Variants in DCDC2C observed in about 807,000 individuals in gnomAD.
The protein encoded by DCDC2C is doublecortin domain-containing protein 2C.
A neutral mutation model predicts 45.0 loss-of-function variants in DCDC2C; 44 were observed. That is an observed-to-expected ratio of 0.98 (90% CI 0.77 to 1.26). The LOEUF (loss-of-function observed/expected upper bound fraction) is 1.26. Ranked by LOEUF, DCDC2C falls within the 50% of genes most tolerant of loss-of-function variation. DCDC2C has a pLI of 0.00. For synonymous variants in DCDC2C, 187 were observed against 178.8 expected (o/e 1.05, Z -0.37); for missense variants, 447 against 468.9 (o/e 0.95, Z 0.43).
chr2:3,780,211 G>A (rs1191854939), intron 9 of DCDC2C, among the ~76,000 whole-genome samples: 1 of 152,142 alleles, frequency 6.6e-6, no homozygotes, highest in East Asian at 1.9e-4. Flanking sequence ...AGAGCATTAG[G>A]CTAAGAGGGG....
intron 9 of DCDC2C, among the ~76,000 whole-genome samples, chr2:3,779,710 T>G (rs1670457896): frequency 6.6e-6 from 1 of 152,156 alleles, no homozygotes; most frequent in Non-Finnish European, 1.5e-5. Flanking sequence ...GTCTGAGAGT[T>G]GCAGTCTGAT....
intron 2 of DCDC2C, among the ~76,000 whole-genome samples, chr2:3,710,795 C>CT (rs1316806629): frequency 6.6e-6 from 1 of 152,160 alleles, no homozygotes; most frequent in East Asian, 1.9e-4. Context: ...CATCCATGTT[C>CT]TTTTTTATGG....
At chr2:3,750,606 T>C (rs1477059400) in intron 4 of DCDC2C, among the ~76,000 whole-genome samples, 3 of 152,146 alleles carry the variant, frequency 2.0e-5, no homozygotes, top group African/African-American at 7.2e-5. Context: ...CGGTTGGTCC[T>C]GTCCTGCCGG....
chr2:3,843,117 G>A (rs1572655554), intron 10 of DCDC2C, among the ~76,000 whole-genome samples: 1 of 152,224 alleles, frequency 6.6e-6, no homozygotes, highest in East Asian at 1.9e-4. Context: ...TGTGATAGCA[G>A]GGGGAGAAGG....
chr2:3,706,159 G>C (rs771731135), intron 1 of DCDC2C, among the ~76,000 whole-genome samples: 6 of 152,200 alleles, frequency 3.9e-5, no homozygotes, highest in Admixed American at 2.0e-4. Flanking sequence ...CTAAGCCATT[G>C]AGCAGTTCAA....
chr2:3,742,561 T>C (rs73144819), intron 4 of DCDC2C, among the ~76,000 whole-genome samples: 2,694 of 152,286 alleles, frequency 0.018, 76 homozygotes, highest in African/African-American at 0.061. Context: ...CTCCGCCATC[T>C]GTGTCTCGGT....
At chr2:3,832,248 A>G (rs1314175907) in intron 10 of DCDC2C, among the ~76,000 whole-genome samples, 1 of 152,258 alleles carries the variant, frequency 6.6e-6, no homozygotes, top group Non-Finnish European at 1.5e-5. Context: ...AAAATCACCT[A>G]TAGCACAAGT....
chr2:3,827,877 G>A (rs1210890678), intron 10 of DCDC2C, among the ~76,000 whole-genome samples: 1 of 152,194 alleles, frequency 6.6e-6, no homozygotes, highest in African/African-American at 2.4e-5. Context: ...AGTCTGATGG[G>A]TGTCCATCCA....
chr2:3,767,584 A>G (rs1416125733), intron 6 of DCDC2C, among the ~76,000 whole-genome samples, 170 bp from the exon 7 acceptor site: 3 of 152,212 alleles, frequency 2.0e-5, no homozygotes, highest in Non-Finnish European at 4.4e-5. Context: ...AATGCAAGTA[A>G]TAGAGCAGAA....
intron 10 of DCDC2C, among the ~76,000 whole-genome samples, chr2:3,841,235 G>A (rs1233806948): frequency 1.3e-5 from 2 of 152,112 alleles, no homozygotes; most frequent in Non-Finnish European, 2.9e-5. Context: ...CCACACTCAG[G>A]TGCCTGGTGG....
At chr2:3,813,814 C>T (rs909988494) in intron 10 of DCDC2C, among the ~76,000 whole-genome samples, 1 of 146,936 alleles carries the variant, frequency 6.8e-6, no homozygotes, top group East Asian at 2.1e-4. Context: ...TGTCTTTGCA[C>T]ATGAGATAGG....
rs182357093 is a variant in DCDC2C, at chr2:3,757,396, A to G, written c.726+2762A>G. On this transcript the variant is annotated intron_variant, in intron 6 of 10. Coordinates refer to ENST00000399143, the MANE Select transcript of DCDC2C (RefSeq NM_001287444.2). Reference sequence around the variant, plus strand: ...TTGGTGCTGTGCACATTCTAATAACATCAGCCAATCAAAGTATCAGCTTTC... The same window carrying G: ...TTGGTGCTGTGCACATTCTAATAACGTCAGCCAATCAAAGTATCAGCTTTC... Among the ~76,000 whole-genome samples the G allele has an allele frequency of 1.6e-4, 24 of 152,328 alleles. 1 individual carries two copies. The East Asian group carries it at 4.0e-3, about 26-fold the overall frequency.
rs1668954949 is a variant in DCDC2C, at chr2:3,734,137, C to G, written c.416+7058C>G. Among the ~76,000 whole-genome samples the G allele has an allele frequency of 6.6e-6, 1 of 152,218 alleles. No homozygotes were observed. The highest frequency in any genetic ancestry group is 6.5e-5 in the Admixed American group (1 of 15,286). On this transcript the variant is annotated intron_variant, in intron 3 of 10. Transcript: ENST00000399143. This position sits in a 1 kb window ranked among gnomAD's most constrained non-coding sequence, Gnocchi z 4.2. ...CCCCATTTCCGTGGCACACCAACAT[C>G]ACGTACTGCCCCAAAGGCATGGCGG...
chr2:3,721,151 C>T (rs1668489026), intron 2 of DCDC2C, among the ~76,000 whole-genome samples: 1 of 152,156 alleles, frequency 6.6e-6, no homozygotes, highest in African/African-American at 2.4e-5. Flanking sequence ...TGTCCCTCTA[C>T]AGGTTTATTA....
At chr2:3,800,434 T>C (rs1301953737) in intron 10 of DCDC2C, among the ~76,000 whole-genome samples, 1 of 152,240 alleles carries the variant, frequency 6.6e-6, no homozygotes, top group East Asian at 1.9e-4. Flanking sequence ...AATTTTATTG[T>C]TCAACCCAAA....
chr2:3,705,510 TAAAG>T (rs1668043221), intron 1 of DCDC2C, among the ~76,000 whole-genome samples: 2 of 152,248 alleles, frequency 1.3e-5, no homozygotes, highest in Non-Finnish European at 2.9e-5. Context: ...AAACTGCCTT[TAAAG>T]TCCCTTTCGA....
At chr2:3,845,807 G>T (rs1418239563) in intron 10 of DCDC2C, among the ~76,000 whole-genome samples, 7 of 152,218 alleles carry the variant, frequency 4.6e-5, no homozygotes, top group Admixed American at 2.6e-4. Flanking sequence ...TGCTGTGGAA[G>T]GAATGGATTA....
At chr2:3,760,245 T>C (rs544318752) in intron 6 of DCDC2C, among the ~76,000 whole-genome samples, 16 of 152,386 alleles carry the variant, frequency 1.0e-4, no homozygotes, top group Non-Finnish European at 1.2e-4. Context: ...AAATATTTTT[T>C]TCTTAATTCA....
chr2:3,764,630 A>G (rs1159037008), intron 6 of DCDC2C, among the ~76,000 whole-genome samples: 1 of 152,228 alleles, frequency 6.6e-6, no homozygotes, highest in Non-Finnish European at 1.5e-5. Flanking sequence ...CTTTTTCTTC[A>G]TAAATTACCC....
Sources: gnomAD v4.1 joint callset for allele counts (sites outside exome capture counted in the v4.1 genomes callset) on GRCh38, gnomAD v4.1.1 for gene constraint, Gnocchi (gnomAD v3.1) non-coding constraint, MANE v1.5 for transcripts, NCBI Gene and HGNC (gene_info 2026-07-23, HGNC 2026-07-21) for gene names.